Variants in SCARB2 observed in about 807,000 individuals in gnomAD.
SCARB2 encodes the protein lysosome membrane protein 2.
SCARB2 carries 29 observed loss-of-function variants against 58.6 expected under a neutral mutation model. The observed-to-expected ratio is 0.49, with a 90% confidence interval of 0.37 to 0.67. The LOEUF is 0.67. Among genes scored for constraint, SCARB2 ranks in the 30% least tolerant of loss-of-function variants. The probability of loss-of-function intolerance (pLI) is 0.00; values close to 1 mark genes in which losing one functional copy is unlikely to be tolerated. For synonymous variants in SCARB2, 195 were observed against 210.1 expected (o/e 0.93, Z 0.62); for missense variants, 488 against 578.5 (o/e 0.84, Z 1.60).
chr4:76,198,239 T>C (rs1732754619), intron 1 of SCARB2, among the ~76,000 whole-genome samples: 1 of 152,248 alleles, frequency 6.6e-6, no homozygotes, highest in Admixed American at 6.5e-5. Flanking sequence ...TATTTGTTCA[T>C]GTGAAGAAAA....
At chr4:76,173,830 C>A in intron 7 of SCARB2, 1 of 339,856 alleles carries the variant, frequency 2.9e-6, no homozygotes, top group Non-Finnish European at 5.5e-6. Context: ...TAAAAAGCAT[C>A]ACAGAAAAGC....
intron 1 of SCARB2, among the ~76,000 whole-genome samples, chr4:76,219,267 G>C (rs1733266988): frequency 6.6e-6 from 1 of 152,224 alleles, no homozygotes; most frequent in African/African-American, 2.4e-5. Context: ...GCCTGAACCT[G>C]ATGTTGAACT....
chr4:76,218,647 CT>C (rs1036949527), upstream of SCARB2, among the ~76,000 whole-genome samples: 1 of 152,058 alleles, frequency 6.6e-6, no homozygotes, highest in African/African-American at 2.4e-5. Flanking sequence ...TCTTCAAATT[CT>C]TATTTTCCTT....
chr4:76,176,727 A>C, intron 4 of SCARB2, 199 bp from the exon 5 acceptor site: 2 of 553,096 alleles, frequency 3.6e-6, no homozygotes, highest in East Asian at 3.1e-5. Context: ...GCCCCCTCCA[A>C]TCTGTTCAAA....
chr4:76,170,644 A>G (rs1732108941), intron 7 of SCARB2, among the ~76,000 whole-genome samples: 1 of 152,054 alleles, frequency 6.6e-6, no homozygotes, highest in South Asian at 2.1e-4. Context: ...CAGCCTCCCA[A>G]GTAGCTGGGA....
At chr4:76,191,668 T>A (rs1364633704) in intron 2 of SCARB2, among the ~76,000 whole-genome samples, 1 of 152,142 alleles carries the variant, frequency 6.6e-6, no homozygotes, top group Non-Finnish European at 1.5e-5. Context: ...AACCTCTTTT[T>A]TAAGTAAATT....
At chr4:76,170,118 G>C in intron 7 of SCARB2, 133 bp from the exon 8 acceptor site, 1 of 737,058 alleles carries the variant, frequency 1.4e-6, no homozygotes, top group Non-Finnish European at 2.4e-6. Flanking sequence ...ACTTGGGTAG[G>C]CTAAAACACC....
In SCARB2 at chr4:76,169,993, T is replaced by G; in HGVS notation, c.995-8A>C. The G allele has an allele frequency of 6.2e-7, 1 of 1,603,278 alleles. No homozygotes were observed. On this transcript the variant is annotated splice_region_variant and splice_polypyrimidine_tract_variant and intron_variant, in intron 7 of 11. Transcript: ENST00000264896. ...ACATAATGATGGGTGCACCTGCATT[T>G]GAAGGAAAACAGAAATGAATGATGC...
At chr4:76,180,045 AGGC>A in intron 3 of SCARB2, 1 of 343,816 alleles carries the variant, frequency 2.9e-6, no homozygotes, top group Non-Finnish European at 5.6e-6. Flanking sequence ...GCAGGGCCAG[AGGC>A]TCATTATAAA....
chr4:76,192,538 T>C (rs1560714910), intron 2 of SCARB2: 1 of 152,038 alleles, frequency 6.6e-6, no homozygotes, highest in Non-Finnish European at 1.5e-5. Context: ...CACTCAGATG[T>C]GGGAGTAAAA....
rs937537878 is a variant in SCARB2, at chr4:76,213,536, C to T, written c.8G>A (p.Arg3Gln). The change falls in exon 1 of 12, where the codon CGA (arginine) becomes CAA (glutamine). Residue 3 changes from arginine (R) to glutamine (Q), a missense_variant. Arg to Gln is a conservative substitution (Grantham distance 43, BLOSUM62 1). Transcript: ENST00000264896. ...CGTCCCCGCCGTGTAGAAGCAGCAT[C>T]GGCCCATTCTGTGCGCCGCTCACGG... MGRCCFYTAGTLS... is the reference protein window; with the variant it reads MGQCCFYTAGTLS... 6.2e-7 allele frequency: 1 copy of T among 1,608,808 alleles called. No homozygotes were observed. The highest frequency in any genetic ancestry group is 1.7e-5 in the Admixed American group (1 of 59,362).
intron 10 of SCARB2, chr4:76,165,884 C>A (rs1475644856): frequency 3.0e-5 from 10 of 336,670 alleles, no homozygotes; most frequent in African/African-American, 2.1e-4. Flanking sequence ...AGCATGGTTT[C>A]AAAGAAGGGG....
intron 4 of SCARB2, among the ~76,000 whole-genome samples, chr4:76,177,898 C>A (rs1732286340): frequency 6.6e-6 from 1 of 152,116 alleles, no homozygotes; most frequent in Non-Finnish European, 1.5e-5. Flanking sequence ...GGAGTGACTG[C>A]TAAGAGAGTA....
upstream of SCARB2, among the ~76,000 whole-genome samples, chr4:76,218,233 A>G (rs1430010335): frequency 6.6e-6 from 1 of 152,212 alleles, no homozygotes; most frequent in Non-Finnish European, 1.5e-5. Context: ...AAAATGTACC[A>G]TCACACCCTA....
chr4:76,211,587 G>C (rs949154885), intron 1 of SCARB2, among the ~76,000 whole-genome samples: 3 of 152,176 alleles, frequency 2.0e-5, no homozygotes, highest in African/African-American at 7.2e-5. Context: ...TTTACAGATG[G>C]GGAAAACATG....
chr4:76,161,459 A>G lies in SCARB2; in HGVS notation c.*254T>C, dbSNP rs975205529. On this transcript the variant is annotated 3_prime_UTR_variant, in exon 12 of 12. Transcript: ENST00000264896. ...CACCCAACAACAACAAAATTACTATACAAGGGTTTATTAAATACTTGCTAG... is the reference window on the plus strand; with the variant it reads ...CACCCAACAACAACAAAATTACTATGCAAGGGTTTATTAAATACTTGCTAG... The G allele has an allele frequency of 7.3e-6, 4 of 551,196 alleles. No homozygotes were observed. The highest frequency in any genetic ancestry group is 3.8e-5 in the African/African-American group (2 of 52,760). 34.1% of individuals were successfully genotyped at this position (551,196 alleles called of 1,614,324 possible).
chr4:76,184,599 G>A, intron 2 of SCARB2: 1 of 188,052 alleles, frequency 5.3e-6, no homozygotes, highest in Non-Finnish European at 1.1e-5. Flanking sequence ...TCTGAATCCT[G>A]AGCACAGTGC....
chr4:76,230,457 C>A (rs1313762396), intron 1 of SCARB2, among the ~76,000 whole-genome samples: 1 of 151,988 alleles, frequency 6.6e-6, no homozygotes, highest in Non-Finnish European at 1.5e-5. Context: ...AGAAAGCAAG[C>A]ATCACTTTCA....
chr4:76,187,959 C>T (rs753360738), intron 2 of SCARB2, among the ~76,000 whole-genome samples: 16 of 152,110 alleles, frequency 1.1e-4, no homozygotes, highest in Non-Finnish European at 1.8e-4. Flanking sequence ...CTAGCCCTTA[C>T]ATCTTTTTAA....
Sources: gnomAD v4.1 joint callset for allele counts (sites outside exome capture counted in the v4.1 genomes callset) on GRCh38, gnomAD v4.1.1 for gene constraint, MANE v1.5 for transcripts, NCBI Gene and HGNC (gene_info 2026-07-23, HGNC 2026-07-21) for gene names.